PCDHA2: variants seen among roughly 807,000 people sequenced by gnomAD.
PCDHA2 encodes protocadherin alpha-2.
A neutral mutation model predicts 66.0 loss-of-function variants in PCDHA2; 58 were observed. The observed-to-expected ratio is 0.88, with a 90% CI of 0.71 to 1.09. The LOEUF (loss-of-function observed/expected upper bound fraction) is 1.09. Ranked by LOEUF, PCDHA2 falls within the 50% of genes least tolerant of loss-of-function variation. The probability of loss-of-function intolerance (pLI) is 0.00; values close to 1 mark genes in which losing one functional copy is unlikely to be tolerated. For synonymous variants in PCDHA2, 634 were observed against 554.0 expected (o/e 1.14, Z -2.03); for missense variants, 1,267 against 1,242.3 (o/e 1.02, Z -0.30).
At chr5:140,849,600 A>G (rs2040983382) in intron 1 of PCDHA2, 1 of 1,598,580 alleles carries the variant, frequency 6.3e-7, no homozygotes, top group Non-Finnish European at 8.6e-7. Context: ...GGGGACAGTT[A>G]TTGCCCTGAT....
At chr5:140,802,994 A>T (rs782332200) in intron 1 of PCDHA2, 1 of 1,613,898 alleles carries the variant, frequency 6.2e-7, no homozygotes, top group Admixed American at 1.7e-5. Flanking sequence ...CAGTGGATGC[A>T]GACTCAGGCT....
chr5:140,929,414 A>C, intron 1 of PCDHA2: 1 of 1,504,422 alleles, frequency 6.6e-7, no homozygotes. Flanking sequence ...GCCTTTCACA[A>C]CATTTCATCA....
intron 1 of PCDHA2, among the ~76,000 whole-genome samples, chr5:140,945,880 A>G (rs1210743057): frequency 6.6e-6 from 1 of 152,136 alleles, no homozygotes; most frequent in Non-Finnish European, 1.5e-5. Flanking sequence ...TAAAACTAAC[A>G]AAGAAAACAC....
intron 1 of PCDHA2, chr5:140,882,442 G>A (rs1554174153): frequency 6.2e-7 from 1 of 1,613,948 alleles, no homozygotes; most frequent in African/African-American, 1.3e-5. Context: ...AGCTGGCGGA[G>A]CTGGTGCCGC....
At position 140,824,341 on chromosome 5, in the gene PCDHA2, TAAAATAA is replaced by T. The variant is rs1352214972; in HGVS notation, c.2388+26990_2388+26996del. ...AGCTTTCTGTGATATTAAGTGTTTTTAAAATAATATTTTATATTAGCATTTGAATTTT... is the reference window on the plus strand; with the variant it reads ...AGCTTTCTGTGATATTAAGTGTTTTTTATTTTATATTAGCATTTGAATTTT... On this transcript the variant is annotated intron_variant, in intron 1 of 3. Transcript: ENST00000526136. 8.2e-6 allele frequency: 5 copies of T among 607,692 alleles called. No homozygotes were observed. In the African/African-American group the frequency reaches 9.4e-5, roughly 11 times the overall value. The allele number at this position is 607,692 out of a possible 1,614,324, so 37.6% of individuals were successfully genotyped here.
chr5:140,860,428 T>C (rs1198179293), intron 1 of PCDHA2: 11 of 152,026 alleles, frequency 7.2e-5, no homozygotes, highest in Admixed American at 6.5e-4. Flanking sequence ...ATCCTGCAAA[T>C]ATGATCTTTT....
intron 1 of PCDHA2, chr5:140,862,283 C>T (rs565843609): frequency 1.5e-5 from 4 of 263,874 alleles, no homozygotes; most frequent in African/African-American, 8.7e-5. Flanking sequence ...ATTCCCTGTA[C>T]AGGAGGACGC....
intron 1 of PCDHA2, among the ~76,000 whole-genome samples, chr5:140,896,760 T>C (rs562641955): frequency 1.3e-5 from 2 of 152,340 alleles, no homozygotes; most frequent in East Asian, 3.9e-4. Flanking sequence ...ATTAGACCTT[T>C]GTTGGATGCA....
chr5:140,823,565 A>AC (rs1767768835), intron 1 of PCDHA2: 1 of 1,613,806 alleles, frequency 6.2e-7, no homozygotes, highest in Non-Finnish European at 8.5e-7. Flanking sequence ...CGCGCAGTGG[A>AC]CCCTGATTCG....
intron 1 of PCDHA2, chr5:140,863,089 A>C: frequency 3.5e-6 from 2 of 575,052 alleles, no homozygotes; most frequent in Non-Finnish European, 6.9e-6. Context: ...CGAGATCAGC[A>C]CGACGAGTAC....
intron 1 of PCDHA2, among the ~76,000 whole-genome samples, chr5:140,817,910 A>G (rs191230679): frequency 6.6e-6 from 1 of 152,180 alleles, no homozygotes; most frequent in African/African-American, 2.4e-5. Context: ...ATGACATTCC[A>G]TGGTCTTCTT....
In PCDHA2 at chr5:141,011,905, G is replaced by C. The variant is rs1400272126; in HGVS notation, c.*1968G>C. 4 of 153,222 alleles carry C rather than the reference G, an allele frequency of 2.6e-5. No individual in the cohort carries two copies. Among genetic ancestry groups the C allele is most frequent in the African/African-American group, 9.7e-5 (4 of 41,224 alleles). The allele number at this position is 153,222 out of a possible 1,614,324, so 9.5% of individuals were successfully genotyped here. A position where few individuals can be genotyped will look rare whatever the true frequency, so the allele number is the denominator to read the frequency against. ...TTGATTAATTATATTATCTATTTAG[G>C]CATTAATATAAAAGAGGTAGGAGTC... On this transcript the variant is annotated 3_prime_UTR_variant, in exon 4 of 4. Coordinates refer to ENST00000526136, the MANE Select transcript of PCDHA2 (RefSeq NM_018905.3).
intron 1 of PCDHA2, chr5:140,824,589 T>A (rs2150134890): frequency 6.5e-6 from 1 of 154,268 alleles, no homozygotes; most frequent in Non-Finnish European, 1.4e-5. Context: ...GTAGCTGGAC[T>A]ACATGCACAT....
chr5:140,911,223 G>A (rs1305979222), intron 1 of PCDHA2, among the ~76,000 whole-genome samples: 1 of 152,148 alleles, frequency 6.6e-6, no homozygotes, highest in Non-Finnish European at 1.5e-5. Flanking sequence ...TGAGAAAGCT[G>A]TTTCTTCTGG....
chr5:140,833,326 A>G (rs1772407379), intron 1 of PCDHA2, among the ~76,000 whole-genome samples: 1 of 152,216 alleles, frequency 6.6e-6, no homozygotes, highest in Non-Finnish European at 1.5e-5. Flanking sequence ...GCCATTGGGA[A>G]CATTGGAGTG....
chr5:140,926,679 C>T (rs1348629347), intron 1 of PCDHA2: 26 of 638,064 alleles, frequency 4.1e-5, no homozygotes, highest in Middle Eastern at 4.4e-4. Context: ...GCCCAGCCTC[C>T]AGCCTAGCAA....
chr5:140,994,412 G>C (rs1412198813), intron 3 of PCDHA2, among the ~76,000 whole-genome samples: 1 of 152,068 alleles, frequency 6.6e-6, no homozygotes, highest in Non-Finnish European at 1.5e-5. Flanking sequence ...ATTTAATACT[G>C]GATATTGAGG....
At chr5:140,831,687 G>A (rs893697384) in intron 1 of PCDHA2, among the ~76,000 whole-genome samples, 1 of 152,012 alleles carries the variant, frequency 6.6e-6, no homozygotes, top group African/African-American at 2.4e-5. Flanking sequence ...TGAATGAAAA[G>A]CAGCAAAAAG....
At chr5:140,869,729 A>T (rs1554163384) in intron 1 of PCDHA2, 2 of 1,613,280 alleles carry the variant, frequency 1.2e-6, no homozygotes, top group Non-Finnish European at 1.7e-6. Context: ...CCGGAACTTA[A>T]TTTGCTGCTA....
Sources: gnomAD v4.1 joint callset for allele counts (sites outside exome capture counted in the v4.1 genomes callset) on GRCh38, gnomAD v4.1.1 for gene constraint, MANE v1.5 for transcripts, NCBI Gene and HGNC (gene_info 2026-07-23, HGNC 2026-07-21) for gene names.